The following ZNF28 variants were observed in gnomAD, a reference collection of about 807,000 sequenced individuals.
ZNF28 encodes zinc finger protein KOX24.
ZNF28 carries 5 observed loss-of-function variants against 7.2 expected under a neutral mutation model. That is an observed-to-expected ratio of 0.70 (90% CI 0.36 to 1.46). The LOEUF is 1.46. Ranked by LOEUF, ZNF28 falls within the 40% of genes most tolerant of loss-of-function variation. The pLI, the probability that ZNF28 is intolerant of heterozygous loss-of-function variation, is 0.03. For synonymous variants in ZNF28, 288 were observed against 292.4 expected, an observed-to-expected ratio of 0.99 and a Z score of 0.15; for missense variants, 879 against 866.6, an observed-to-expected ratio of 1.01 and a Z score of -0.18.
At chr19:52,810,749 G>C in intron 2 of ZNF28, 3 of 562,110 alleles carry the variant, frequency 5.3e-6, no homozygotes, top group Non-Finnish European at 9.2e-6. Context: ...AAAGAGGAAA[G>C]AAGGGGAAAA....
At chr19:52,817,485 A>G (rs1426484635) in intron 2 of ZNF28, among the ~76,000 whole-genome samples, 1 of 152,166 alleles carries the variant, frequency 6.6e-6, no homozygotes, top group Non-Finnish European at 1.5e-5. Flanking sequence ...TCACTCAATT[A>G]CCTAAAAATG....
At chr19:52,806,193 ATT>A (rs35456246) in intron 3 of ZNF28, among the ~76,000 whole-genome samples, 1 of 151,330 alleles carries the variant, frequency 6.6e-6, no homozygotes, top group Non-Finnish European at 1.5e-5. Flanking sequence ...AGGTTACAGA[ATT>A]TTTTTTTTCT....
Position 52,812,150 on chromosome 19 carries a change from C to T in ZNF28, c.16-4017G>A, listed in dbSNP as rs1387162202. ...CCGTCCGGGAGGGTGGTGGGGGGGT[C>T]AGCCCCCCGCCCGGCCAGCCGCCCC... On this transcript the variant is annotated intron_variant, in intron 2 of 3. Coordinates refer to ENST00000457749, the MANE Select transcript of ZNF28 (RefSeq NM_006969.5). 2.8e-4 allele frequency among the ~76,000 whole-genome samples: 35 copies of T among 124,866 alleles called. 3 individuals carry two copies. The highest frequency in any genetic ancestry group is 4.6e-4 in the Non-Finnish European group (29 of 63,050). 81.9% of individuals were successfully genotyped at this position (124,866 alleles called of 152,430 possible). A position where few individuals can be genotyped will look rare whatever the true frequency, so the allele number is the denominator to read the frequency against.
intron 2 of ZNF28, among the ~76,000 whole-genome samples, chr19:52,815,908 T>C (rs2063118478): frequency 6.8e-6 from 1 of 147,214 alleles, no homozygotes; most frequent in Non-Finnish European, 1.5e-5. Flanking sequence ...TGACGTGAGT[T>C]TGCCTCTGTA....
Position 52,797,682 on chromosome 19 carries a change from A to G in ZNF28, c.*2006T>C, listed in dbSNP as rs1174114878. On this transcript the variant is annotated 3_prime_UTR_variant, in exon 4 of 4. Transcript: ENST00000457749. ...AGAAGTTTGTACCTTGAAATCTACA[A>G]ACATTGATCAAAATGATTAAAAACA... The G allele has an allele frequency of 6.5e-6, 1 of 154,512 alleles. No homozygotes were observed. The highest frequency in any genetic ancestry group is 6.5e-5 in the Admixed American group (1 of 15,280). 9.6% of individuals were successfully genotyped at this position (154,512 alleles called of 1,614,324 possible).
intron 2 of ZNF28, chr19:52,810,787 A>C: frequency 2.1e-6 from 1 of 486,828 alleles, no homozygotes; most frequent in Non-Finnish European, 3.7e-6. Context: ...ACCCAAAAAA[A>C]ACAGAAGATG....
intron 2 of ZNF28, among the ~76,000 whole-genome samples, chr19:52,816,852 T>TAGGTGG (rs2063131851): frequency 6.8e-6 from 1 of 147,362 alleles, no homozygotes. Context: ...ATAATAATAA[T>TAGGTGG]AATAATAATA....
At chr19:52,811,427 C>G (rs952330947) in intron 2 of ZNF28, among the ~76,000 whole-genome samples, 25 of 147,254 alleles carry the variant, frequency 1.7e-4, no homozygotes, top group African/African-American at 6.0e-4. Flanking sequence ...GCCCGGCCGC[C>G]ATCCCATCTA....
Position 52,810,060 on chromosome 19 carries a change from G to T in ZNF28, c.16-1927C>A, listed in dbSNP as rs2062997741. On this transcript the variant is annotated intron_variant, in intron 2 of 3. Coordinates refer to ENST00000457749, the MANE Select transcript of ZNF28 (RefSeq NM_006969.5). ...GCTCCAGCCCCGCGCCCCATGCCTG[G>T]GAGCTCCAGGACCTGGGCCTCGTTC... The T allele has an allele frequency of 1.5e-5, 11 of 742,602 alleles. No individual in the cohort carries two copies. In the South Asian group the frequency reaches 1.6e-4, roughly 11 times the overall value. 46.0% of individuals were successfully genotyped at this position (742,602 alleles called of 1,614,324 possible).
At position 52,811,940 on chromosome 19, in the gene ZNF28, G is replaced by A. The variant is rs1431681817; in HGVS notation, c.16-3807C>T. 3.1e-3 allele frequency among the ~76,000 whole-genome samples: 222 copies of A among 72,676 alleles called. 4 individuals carry two copies. The highest frequency in any genetic ancestry group is 0.014 in the African/African-American group (194 of 14,110). The allele number at this position is 72,676 out of a possible 152,430, so 47.7% of individuals were successfully genotyped here. On this transcript the variant is annotated intron_variant, in intron 2 of 3. Coordinates refer to ENST00000457749, the MANE Select transcript of ZNF28 (RefSeq NM_006969.5). The stretch of plus-strand genomic sequence containing the variant: ...CCGCCCTATCCAGGAGGTGAGGGGC[G>A]CCTCTGCCCGGCCGCCCCTACTGGG...
intron 3 of ZNF28, among the ~76,000 whole-genome samples, chr19:52,806,779 G>A (rs1281379160): frequency 1.3e-5 from 2 of 151,928 alleles, no homozygotes; most frequent in East Asian, 1.9e-4. Context: ...GTGAGCGCCT[G>A]CAGTTCCAGC....
At position 52,801,620 on chromosome 19, in the gene ZNF28, T is replaced by G. The variant is rs771715777; in HGVS notation, c.225A>C (p.Gln75His). 4 of 1,614,058 alleles carry G rather than the reference T, an allele frequency of 2.5e-6. No individual in the cohort carries two copies. The highest frequency in any genetic ancestry group is 2.7e-5 in the African/African-American group (2 of 74,934). The change falls in exon 4 of 4, where the codon CAA (glutamine) becomes CAC (histidine). Residue 75 changes from glutamine to histidine, a missense_variant. Gln to His is a conservative substitution (Grantham distance 24, BLOSUM62 0). Transcript: ENST00000457749. ...NTEAFHTGTL[Q>H]RQASHHIGDF... ...CTCCAATGTGATGACTTGCTTGTCT[T>G]TGCAATGTCCCTGTGTGGAACGCTT...
intron 2 of ZNF28, chr19:52,810,673 CG>C: frequency 1.1e-6 from 1 of 917,430 alleles, no homozygotes. Flanking sequence ...CTACAGGGGC[CG>C]GGCTAGAGCG....
intron 3 of ZNF28, among the ~76,000 whole-genome samples, chr19:52,806,753 T>A (rs1246141043): frequency 6.6e-6 from 1 of 151,774 alleles, no homozygotes; most frequent in Non-Finnish European, 1.5e-5. Flanking sequence ...AACACAAAAA[T>A]TAGCTGGGCA....
intron 2 of ZNF28, among the ~76,000 whole-genome samples, chr19:52,812,787 A>AG (rs2063071482): frequency 2.7e-4 from 36 of 131,048 alleles, no homozygotes; most frequent in African/African-American, 9.7e-4. Context: ...AAAAAAAAAA[A>AG]GTTTTAAGTG....
chr19:52,801,137 G>A lies in ZNF28; in HGVS notation c.708C>T (p.Thr236=). ...ATTTACATTGTTTCTCTTCTAAGTG[G>A]GTTATCTGATGTTTTTTTAAAAGTG... ...CSSLLKKHQI[T]HLEEKQCKCD... Residue 236 remains threonine, a synonymous_variant, in exon 4 of 4, where the codon ACC becomes ACT. Coordinates refer to ENST00000457749, the MANE Select transcript of ZNF28 (RefSeq NM_006969.5). 1.2e-6 allele frequency: 2 copies of A among 1,613,968 alleles called. No individual in the cohort carries two copies. Among genetic ancestry groups the A allele is most frequent in the South Asian group, 1.1e-5 (1 of 91,062 alleles).
intron 2 of ZNF28, among the ~76,000 whole-genome samples, chr19:52,817,313 G>C (rs56721617): frequency 0.014 from 2,150 of 151,820 alleles, 62 homozygotes; most frequent in African/African-American, 0.05. Context: ...CGGAGGTTGC[G>C]GTGAGCTGAG....
At chr19:52,816,236 G>T (rs56292969) in intron 2 of ZNF28, among the ~76,000 whole-genome samples, 77,275 of 145,682 alleles carry the variant, frequency 0.53, 25,383 homozygotes, top group Non-Finnish European at 0.68. Context: ...ATAATTGTTG[G>T]GGCTGGGCAT....
rs569383024 is a variant in ZNF28, at chr19:52,808,989, T to C, written c.16-856A>G. 4.6e-5 allele frequency among the ~76,000 whole-genome samples: 7 copies of C among 152,266 alleles called. No homozygotes were observed. The East Asian group carries it at 1.4e-3, about 29-fold the overall frequency. On this transcript the variant is annotated intron_variant, in intron 2 of 3. Coordinates refer to ENST00000457749, the MANE Select transcript of ZNF28 (RefSeq NM_006969.5). The stretch of plus-strand genomic sequence containing the variant: ...AAAAGATTTTCAAAATATATACAGA[T>C]GTGTGTATATATGTATTTGTATGTA...
Sources: allele counts gnomAD v4.1 joint callset (sites outside exome capture counted in the v4.1 genomes callset), GRCh38; gene constraint gnomAD v4.1.1; transcripts MANE v1.5; gene names NCBI Gene and HGNC (gene_info 2026-07-23, HGNC 2026-07-21).